MGST1: variants seen among roughly 807,000 people sequenced by gnomAD.
The protein encoded by MGST1 is glutathione S-transferase 12.
Under a neutral mutation model 8.9 loss-of-function variants are expected in MGST1, and 5 were observed. The observed-to-expected ratio is 0.56, with a 90% CI of 0.29 to 1.19. MGST1 has a LOEUF of 1.19. Ranked by LOEUF, MGST1 falls within the 50% of genes most tolerant of loss-of-function variation. MGST1 has a pLI of 0.08. For synonymous variants in MGST1, 54 were observed against 67.8 expected (o/e 0.80, Z 1.00); for missense variants, 182 against 187.4 (o/e 0.97, Z 0.17).
intron 1 of MGST1, chr12:16,400,641 C>A: frequency 6.7e-7 from 1 of 1,482,048 alleles, no homozygotes; most frequent in South Asian, 1.1e-5. Flanking sequence ...ATTTCTTTGA[C>A]AAAAGTCGCT....
At chr12:16,381,231 G>A (rs971618317), downstream of MGST1, among the ~76,000 whole-genome samples, 5 of 152,160 alleles carry the variant, frequency 3.3e-5, no homozygotes, top group Non-Finnish European at 7.3e-5. Context: ...TTTCTTCCTA[G>A]CATTGACAGT....
chr12:16,418,580 T>C (rs559260244), intron 1 of MGST1, among the ~76,000 whole-genome samples: 103 of 152,250 alleles, frequency 6.8e-4, no homozygotes, highest in African/African-American at 2.4e-3. Context: ...CAAACTCTAA[T>C]ACTCTTAGTT....
At position 16,401,102 on chromosome 12, in the gene MGST1, C is replaced by T; in HGVS notation, n.778+17498C>T. ...TCCTCTGCCTCATCTTTCTCCTCCTCCTCCTTTTCCTCATCTTCGTTCCTT... is the reference window on the plus strand; with the variant it reads ...TCCTCTGCCTCATCTTTCTCCTCCTTCTCCTTTTCCTCATCTTCGTTCCTT... On this transcript the variant is annotated intron_variant and non_coding_transcript_variant, in intron 1 of 1. Coordinates refer to the MGST1 transcript ENST00000359720. This position sits in a 1 kb window ranked among gnomAD's most constrained non-coding sequence, Gnocchi z 4.3. 1 of 1,583,748 alleles carries T rather than the reference C, an allele frequency of 6.3e-7. No homozygotes were observed. Among genetic ancestry groups the T allele is most frequent in the South Asian group, 1.1e-5 (1 of 90,428 alleles).
chr12:16,387,365 T>G (rs985275629), intron 1 of MGST1, among the ~76,000 whole-genome samples: 1 of 152,120 alleles, frequency 6.6e-6, no homozygotes, highest in Non-Finnish European at 1.5e-5. Context: ...CCCCTCTTTA[T>G]GTTGATGCTG....
At chr12:16,504,992 G>A (rs554183763) in intron 4 of MGST1, among the ~76,000 whole-genome samples, 3 of 152,102 alleles carry the variant, frequency 2.0e-5, no homozygotes, top group Admixed American at 6.6e-5. Context: ...GGCCTACATC[G>A]TATGGATTTC....
rs1029775673 is a variant in MGST1 at position 16,458,701 on chromosome 12, C to T, written n.482+75097C>T. ...AGTATTTATATGAGAGTTATTGTGA[C>T]TCATATCATCATTTTACTGTAAACA... On this transcript the variant is annotated intron_variant and non_coding_transcript_variant, in intron 4 of 4. Coordinates refer to the MGST1 transcript ENST00000538857. This position sits in a 1 kb window ranked among gnomAD's most constrained non-coding sequence, Gnocchi z 4.0. Among the ~76,000 whole-genome samples, 2 of 151,984 alleles carry T rather than the reference C, an allele frequency of 1.3e-5. No individual in the cohort carries two copies. The highest frequency in any genetic ancestry group is 2.9e-5 in the Non-Finnish European group (2 of 67,964).
chr12:16,360,348 T>C, intron 3 of MGST1: 1 of 985,304 alleles, frequency 1.0e-6, no homozygotes, highest in Non-Finnish European at 1.2e-6. Context: ...AGAGCCAGAA[T>C]GGGGCTACAA....
intron 4 of MGST1, among the ~76,000 whole-genome samples, chr12:16,528,501 C>A (rs1565469941): frequency 6.6e-6 from 1 of 151,878 alleles, no homozygotes; most frequent in African/African-American, 2.4e-5. Context: ...TTTCTTAATG[C>A]CATATATCTA....
At chr12:16,478,626 ATTTT>A (rs966547787) in intron 4 of MGST1, among the ~76,000 whole-genome samples, 1 of 151,384 alleles carries the variant, frequency 6.6e-6, no homozygotes, top group African/African-American at 2.4e-5. Flanking sequence ...ATTTTGGTGA[ATTTT>A]TTTTTAATTT....
chr12:16,481,954 G>A lies in MGST1; in HGVS notation n.482+98350G>A, dbSNP rs149030034. 7.5e-3 allele frequency among the ~76,000 whole-genome samples: 1,135 copies of A among 152,016 alleles called. 7 individuals carry two copies. Among genetic ancestry groups the A allele is most frequent in the Non-Finnish European group, 0.013 (862 of 67,968 alleles). On this transcript the variant is annotated intron_variant and non_coding_transcript_variant, in intron 4 of 4. Coordinates refer to the MGST1 transcript ENST00000538857. ...TAAAGTTATATGATAGTAAAATTGC[G>A]GAACACCACAGTAAAAGAGAGCTTA...
rs936760017 is a variant in MGST1, at chr12:16,586,345, G to T, written n.483-3183G>T. On this transcript the variant is annotated intron_variant and non_coding_transcript_variant, in intron 4 of 4. Transcript: ENST00000538857. The surrounding 1 kb of genome is among the most constrained non-coding windows in gnomAD (Gnocchi z 4.3). ...AACAACTAAGAAACAACTAAAACAC[G>T]TGCATGAATGGAGAACCACTGCATG... 6.6e-6 allele frequency among the ~76,000 whole-genome samples: 1 copy of T among 152,092 alleles called. No individual in the cohort carries two copies. Among genetic ancestry groups the T allele is most frequent in the African/African-American group, 2.4e-5 (1 of 41,412 alleles).
intron 4 of MGST1, among the ~76,000 whole-genome samples, chr12:16,447,920 A>G (rs540151808): frequency 3.3e-5 from 5 of 152,078 alleles, no homozygotes; most frequent in South Asian, 2.1e-4. Context: ...GGAGGTCTCA[A>G]TCAATGATTG....
At chr12:16,418,842 A>C (rs561278198) in intron 1 of MGST1, among the ~76,000 whole-genome samples, 3 of 152,312 alleles carry the variant, frequency 2.0e-5, no homozygotes, top group Non-Finnish European at 4.4e-5. Context: ...CTCAAGAAAC[A>C]CTAGTGACAT....
chr12:16,435,702 G>A (rs1021915935), intron 1 of MGST1, among the ~76,000 whole-genome samples: 17 of 151,856 alleles, frequency 1.1e-4, no homozygotes, highest in Non-Finnish European at 2.4e-4. Flanking sequence ...TAAAAGTTGT[G>A]AAAAGACTTG....
rs1941593668 is a variant in MGST1, at chr12:16,513,867, G to A, written n.483-75661G>A. On this transcript the variant is annotated intron_variant and non_coding_transcript_variant, in intron 4 of 4. Coordinates refer to the MGST1 transcript ENST00000538857. The surrounding 1 kb of genome is among the most constrained non-coding windows in gnomAD (Gnocchi z 4.2). ...ATGTCTTTCTGCCCAAACCAACCTG[G>A]GGAAGTCGCACACCCATCTTCAGGG... 4 of 610,978 alleles carry A rather than the reference G, an allele frequency of 6.5e-6. No homozygotes were observed. The highest frequency in any genetic ancestry group is 9.5e-6 in the Non-Finnish European group (3 of 315,872). 37.8% of individuals were successfully genotyped at this position (610,978 alleles called of 1,614,324 possible). A position where few individuals can be genotyped will look rare whatever the true frequency, so the allele number is the denominator to read the frequency against.
downstream of MGST1, among the ~76,000 whole-genome samples, chr12:16,366,472 G>A (rs1392028683): frequency 1.3e-5 from 2 of 152,098 alleles, no homozygotes; most frequent in African/African-American, 4.8e-5. This position sits in a 1 kb window ranked among gnomAD's most constrained non-coding sequence, Gnocchi z 4.0. Context: ...TGTGTGCTAA[G>A]TGACTTTAAC....
chr12:16,520,822 A>G (rs991719159), intron 4 of MGST1, among the ~76,000 whole-genome samples: 1 of 152,192 alleles, frequency 6.6e-6, no homozygotes, highest in Non-Finnish European at 1.5e-5. Context: ...ATTTATCATA[A>G]TTAAACCATG....
intron 1 of MGST1, among the ~76,000 whole-genome samples, chr12:16,391,330 C>T (rs542711497): frequency 1.1e-4 from 17 of 150,688 alleles, no homozygotes; most frequent in South Asian, 2.1e-4. Flanking sequence ...CCCCACCCCC[C>T]GACAGGCCCT....
intron 1 of MGST1, among the ~76,000 whole-genome samples, chr12:16,385,355 A>G (rs7956002): frequency 0.39 from 59,105 of 151,956 alleles, 11,864 homozygotes; most frequent in East Asian, 0.57. Flanking sequence ...CATTAGGTGG[A>G]GGGAGGTTGG....
Sources: allele counts gnomAD v4.1 joint callset (sites outside exome capture counted in the v4.1 genomes callset), GRCh38; gene constraint gnomAD v4.1.1; non-coding constraint Gnocchi (gnomAD v3.1); transcripts MANE v1.5; gene names NCBI Gene and HGNC (gene_info 2026-07-23, HGNC 2026-07-21).